Variants in ZNF521 observed in about 807,000 individuals in gnomAD.
ZNF521 encodes the protein LYST-interacting protein 3.
In ZNF521, 14 loss-of-function variants were observed where a neutral mutation model predicts 105.5. That is an observed-to-expected ratio of 0.13 (90% CI 0.09 to 0.21). The LOEUF is 0.21. Among genes scored for constraint, ZNF521 ranks in the 10% least tolerant of loss-of-function variants. The pLI, the probability that ZNF521 is intolerant of heterozygous loss-of-function variation, is 1.00. For missense variants in ZNF521, 1,233 were observed against 1,629.7 expected (o/e 0.76, Z 4.19); for synonymous variants, 635 against 606.0 (o/e 1.05, Z -0.70).
At chr18:25,150,550 G>A (rs1308829714) in intron 5 of ZNF521, among the ~76,000 whole-genome samples, 1 of 152,134 alleles carries the variant, frequency 6.6e-6, no homozygotes, top group African/African-American at 2.4e-5. Context: ...AGAGGATGTT[G>A]ATCTTGGAGA....
chr18:25,340,625 A>G (rs1914145558), intron 2 of ZNF521, among the ~76,000 whole-genome samples: 1 of 152,222 alleles, frequency 6.6e-6, no homozygotes, highest in Non-Finnish European at 1.5e-5. Context: ...ATTTCTCAAC[A>G]TAAGAATTCT....
At chr18:25,149,144 T>C (rs138310890) in intron 5 of ZNF521, among the ~76,000 whole-genome samples, 58 of 152,310 alleles carry the variant, frequency 3.8e-4, no homozygotes, top group African/African-American at 8.2e-4. Context: ...GGATGAAGCA[T>C]TAAGGCACAG....
chr18:25,273,301 A>G (rs1423997479), intron 3 of ZNF521, among the ~76,000 whole-genome samples: 2 of 151,234 alleles, frequency 1.3e-5, no homozygotes, highest in African/African-American at 4.9e-5. Context: ...AAGGTGCCAG[A>G]AAATAAATTT....
intron 5 of ZNF521, among the ~76,000 whole-genome samples, chr18:25,163,188 G>A (rs982936787): frequency 1.1e-4 from 16 of 152,246 alleles, no homozygotes; most frequent in Middle Eastern, 3.4e-3. Context: ...ATCAAAGTTA[G>A]CATAGTCAAT....
chr18:25,289,979 T>A (rs1420179582), intron 3 of ZNF521, among the ~76,000 whole-genome samples: 2 of 152,206 alleles, frequency 1.3e-5, no homozygotes, highest in Non-Finnish European at 2.9e-5. Context: ...TATTGTTGTT[T>A]TCATATTTTC....
chr18:25,255,954 T>A (rs1908456168), intron 3 of ZNF521, among the ~76,000 whole-genome samples: 1 of 146,276 alleles, frequency 6.8e-6, no homozygotes, highest in Non-Finnish European at 1.5e-5. Flanking sequence ...GGCATATATA[T>A]ATATATCGTA....
intron 3 of ZNF521, among the ~76,000 whole-genome samples, chr18:25,253,089 CTT>C (rs1908231028): frequency 6.6e-6 from 1 of 152,114 alleles, no homozygotes; most frequent in Non-Finnish European, 1.5e-5. Context: ...GTAAGTAACT[CTT>C]TATCCCTTGC....
intron 7 of ZNF521, among the ~76,000 whole-genome samples, chr18:25,081,286 A>G (rs1179781166): frequency 6.6e-6 from 1 of 152,224 alleles, no homozygotes; most frequent in African/African-American, 2.4e-5. Flanking sequence ...GCTCGCTAAC[A>G]ACAGGGCTGT....
chr18:25,128,961 T>C (rs966499539), intron 5 of ZNF521, among the ~76,000 whole-genome samples: 5 of 151,904 alleles, frequency 3.3e-5, no homozygotes, highest in Non-Finnish European at 5.9e-5. Flanking sequence ...GATTCTATAG[T>C]TTATACAAAA....
At chr18:25,151,696 G>A (rs959018479) in intron 5 of ZNF521, among the ~76,000 whole-genome samples, 6 of 152,166 alleles carry the variant, frequency 3.9e-5, no homozygotes, top group Admixed American at 2.6e-4. Flanking sequence ...GTCAAGGCAG[G>A]CATCATGCAG....
chr18:25,258,205 T>C (rs964529196), intron 3 of ZNF521, among the ~76,000 whole-genome samples: 3 of 152,232 alleles, frequency 2.0e-5, no homozygotes, highest in Non-Finnish European at 4.4e-5. Context: ...AAAAAGTCAC[T>C]TGCTTTGTTT....
At chr18:25,064,000 A>G (rs745545800) in intron 7 of ZNF521, among the ~76,000 whole-genome samples, 19 of 152,210 alleles carry the variant, frequency 1.2e-4, no homozygotes, top group Non-Finnish European at 2.5e-4. Context: ...GCTCTCACTC[A>G]TGCCAATAAT....
intron 4 of ZNF521, among the ~76,000 whole-genome samples, chr18:25,218,256 T>C (rs1905461590): frequency 6.6e-6 from 1 of 152,024 alleles, no homozygotes; most frequent in Admixed American, 6.6e-5. Flanking sequence ...TTGAAAATGA[T>C]GAGACTCAAG....
At chr18:25,082,093 G>A (rs2033509155) in intron 7 of ZNF521, among the ~76,000 whole-genome samples, 1 of 152,166 alleles carries the variant, frequency 6.6e-6, no homozygotes, top group Admixed American at 6.5e-5. Context: ...TTTAACCACT[G>A]AGCAAATTAA....
chr18:25,091,385 C>A (rs1232819389), intron 6 of ZNF521, among the ~76,000 whole-genome samples: 4 of 151,670 alleles, frequency 2.6e-5, no homozygotes, highest in South Asian at 2.1e-4. Flanking sequence ...TAAAAAATTT[C>A]TTCTTAAAAG....
At chr18:25,320,017 G>A (rs1177712207) in intron 3 of ZNF521, among the ~76,000 whole-genome samples, 3 of 152,134 alleles carry the variant, frequency 2.0e-5, no homozygotes, top group Admixed American at 6.5e-5. Context: ...AACATTCCAG[G>A]TTAAAGGAGG....
intron 5 of ZNF521, among the ~76,000 whole-genome samples, chr18:25,150,040 C>A (rs541183945): frequency 6.6e-6 from 1 of 152,138 alleles, no homozygotes; most frequent in African/African-American, 2.4e-5. Context: ...TTTGTACCCA[C>A]AATTAATGAA....
chr18:25,164,403 C>T (rs1468138399), intron 5 of ZNF521, among the ~76,000 whole-genome samples: 2 of 152,188 alleles, frequency 1.3e-5, no homozygotes, highest in African/African-American at 4.8e-5. Context: ...ACATGAAACA[C>T]TTCCTCCCAG....
chr18:25,080,526 G>C (rs2144166134), intron 7 of ZNF521, among the ~76,000 whole-genome samples: 1 of 152,268 alleles, frequency 6.6e-6, no homozygotes, highest in South Asian at 2.1e-4. Flanking sequence ...TACACGTTTG[G>C]CTCTGAAGCT....
Sources: gnomAD v4.1 joint callset for allele counts (sites outside exome capture counted in the v4.1 genomes callset) on GRCh38, gnomAD v4.1.1 for gene constraint, MANE v1.5 for transcripts, NCBI Gene and HGNC (gene_info 2026-07-23, HGNC 2026-07-21) for gene names.